URI1: variants seen among roughly 807,000 people sequenced by gnomAD.
URI1 encodes the protein unconventional prefoldin RPB5 interactor 1.
In URI1, 39 loss-of-function variants were observed where a neutral mutation model predicts 60.2. That is an observed-to-expected ratio of 0.65 (90% confidence interval 0.50 to 0.85). URI1 has a LOEUF of 0.85. URI1 is among the 40% of genes least tolerant of loss of function. The probability of loss-of-function intolerance (pLI) is 0.00; values close to 1 mark genes in which losing one functional copy is unlikely to be tolerated. For missense variants in URI1, 691 were observed against 665.9 expected (o/e 1.04, Z -0.42); for synonymous variants, 251 against 236.8 (o/e 1.06, Z -0.55).
At chr19:30,000,753 T>A (rs1423604721) in intron 4 of URI1, among the ~76,000 whole-genome samples, 5 of 152,028 alleles carry the variant, frequency 3.3e-5, no homozygotes, top group African/African-American at 9.7e-5. Context: ...GAAGCCGTGC[T>A]ATGGATCCTT....
At chr19:29,969,058 A>C (rs1049639576) in intron 1 of URI1, among the ~76,000 whole-genome samples, 1 of 152,034 alleles carries the variant, frequency 6.6e-6, no homozygotes, top group Non-Finnish European at 1.5e-5. Context: ...TTTTATATCT[A>C]CCTCTTTCAT....
chr19:29,957,976 G>T (rs1260843558), intron 1 of URI1: 1 of 147,972 alleles, frequency 6.8e-6, no homozygotes, highest in African/African-American at 2.5e-5. Context: ...TTAAAAAATA[G>T]AGATGAGTTT....
chr19:30,001,098 T>C (rs2055872670), intron 4 of URI1, among the ~76,000 whole-genome samples: 2 of 151,784 alleles, frequency 1.3e-5, no homozygotes, highest in Non-Finnish European at 2.9e-5. Context: ...CTTTAAACAT[T>C]TCCTCCATGT....
chr19:30,014,323 G>A (rs891539938), intron 10 of URI1: 5 of 152,102 alleles, frequency 3.3e-5, no homozygotes, highest in African/African-American at 7.2e-5. Context: ...ACTAGTATCA[G>A]CACTTTTATT....
At chr19:29,955,446 G>C (rs1195954027) in intron 1 of URI1, among the ~76,000 whole-genome samples, 4 of 152,100 alleles carry the variant, frequency 2.6e-5, no homozygotes, top group Admixed American at 2.6e-4. Flanking sequence ...AAGTCCTAGA[G>C]TTGGATTACT....
intron 7 of URI1, among the ~76,000 whole-genome samples, chr19:30,008,680 A>G (rs1179835566): frequency 6.6e-6 from 1 of 152,076 alleles, no homozygotes; most frequent in Non-Finnish European, 1.5e-5. Context: ...GTCTTTAGAG[A>G]TAAATGTTCT....
In URI1 at chr19:30,007,489, TA is replaced by T; in HGVS notation, c.540del (p.Lys180AsnfsTer20). 3 of 1,613,090 alleles carry T rather than the reference TA, an allele frequency of 1.9e-6. No homozygotes were observed. Among genetic ancestry groups the T allele is most frequent in the Non-Finnish European group, 2.5e-6 (3 of 1,179,388 alleles). ...AAATAGCAAAACACCGAATTGCTCA[TA>T]AACCGCATTCCAAACCAAAAACTTC... The part of the protein sequence containing the change: ...EFKAKHRIAH[K>X]PHSKPKTSDI... On this transcript the variant is annotated frameshift_variant, in exon 7 of 11. Coordinates refer to ENST00000392271, the MANE Select transcript of URI1 (RefSeq NM_003796.3). LOFTEE classifies it high-confidence loss of function.
chr19:29,951,828 G>C (rs183133976), intron 1 of URI1, among the ~76,000 whole-genome samples: 1 of 152,186 alleles, frequency 6.6e-6, no homozygotes, highest in African/African-American at 2.4e-5. Flanking sequence ...GATTACAGGC[G>C]TGAGCCACCG....
chr19:29,959,797 G>A (rs1026106453), intron 1 of URI1, among the ~76,000 whole-genome samples: 1 of 55,288 alleles, frequency 1.8e-5, no homozygotes, highest in Admixed American at 1.9e-4. Context: ...TTATATTTTT[G>A]CCTTTGATTT....
At chr19:29,929,823 C>CA (rs1332328570) in intron 1 of URI1, among the ~76,000 whole-genome samples, 4 of 150,778 alleles carry the variant, frequency 2.7e-5, no homozygotes, top group South Asian at 4.2e-4. Context: ...TCAATGACAA[C>CA]AAAAAAACAG....
At chr19:30,002,038 C>G (rs571076610) in intron 4 of URI1, among the ~76,000 whole-genome samples, 1 of 151,846 alleles carries the variant, frequency 6.6e-6, no homozygotes, top group Admixed American at 6.6e-5. Flanking sequence ...TTAAAAATTC[C>G]AGCACACAAA....
chr19:29,928,523 G>T (rs541024981), intron 1 of URI1, among the ~76,000 whole-genome samples: 1 of 152,232 alleles, frequency 6.6e-6, no homozygotes, highest in East Asian at 1.9e-4. Flanking sequence ...TAGATGAAAG[G>T]GATCCATTTA....
Position 29,956,778 on chromosome 19 carries a change from G to A in URI1, c.117+14114G>A, listed in dbSNP as rs146774236. 3.6e-3 allele frequency: 5,702 copies of A among 1,597,814 alleles called. 138 individuals are homozygous for A. In the African/African-American group the frequency reaches 0.057, roughly 16 times the overall value. On this transcript the variant is annotated intron_variant, in intron 1 of 10. Transcript: ENST00000392271. ...TTCTGTACATGACTACAAATAGTCC[G>A]AACGGTAGCCAGTTCCTTTCTGTTA...
chr19:29,934,106 T>G lies in URI1; in HGVS notation c.63+10352T>G, dbSNP rs188304307. ...GCCTGCCACCACGCCCGGCTAATTT[T>G]TGTATTATTAGAAGAGACGGGGTTT... On this transcript the variant is annotated intron_variant, in intron 1 of 10. Transcript: ENST00000360605. Among the ~76,000 whole-genome samples, 8 of 151,868 alleles carry G rather than the reference T, an allele frequency of 5.3e-5. No individual in the cohort carries two copies. In the East Asian group the frequency reaches 1.6e-3, roughly 30 times the overall value.
upstream of URI1, among the ~76,000 whole-genome samples, chr19:29,941,447 C>T (rs1228053327): frequency 6.6e-6 from 1 of 151,754 alleles, no homozygotes; most frequent in African/African-American, 2.4e-5. Flanking sequence ...ATAGGGAGAC[C>T]CCGCCTCTAC....
At chr19:29,962,181 A>G (rs2055334422) in intron 1 of URI1, among the ~76,000 whole-genome samples, 1 of 151,738 alleles carries the variant, frequency 6.6e-6, no homozygotes, top group Non-Finnish European at 1.5e-5. Context: ...TGTTTTCTGT[A>G]AGGACCATCC....
At chr19:29,969,121 A>T (rs896882441) in intron 1 of URI1, among the ~76,000 whole-genome samples, 1 of 152,084 alleles carries the variant, frequency 6.6e-6, no homozygotes, top group African/African-American at 2.4e-5. Context: ...TTACATTTGG[A>T]TAGTGCTTAT....
At chr19:29,985,381 G>C in intron 3 of URI1, 80 bp downstream of exon 3, 6 of 1,244,620 alleles carry the variant, frequency 4.8e-6, no homozygotes, top group Non-Finnish European at 7.0e-6. Flanking sequence ...CAGAATGTCA[G>C]GCTGATGGAC....
At position 30,009,069 on chromosome 19, in the gene URI1, C is replaced by T. The variant is rs373823921; in HGVS notation, c.751C>T (p.Arg251Cys). 60 of 1,613,666 alleles carry T rather than the reference C, an allele frequency of 3.7e-5. No homozygotes were observed. The highest frequency in any genetic ancestry group is 4.5e-5 in the Non-Finnish European group (53 of 1,179,868). The change falls in exon 8 of 11, where the codon CGT (arginine) becomes TGT (cysteine). Residue 251 changes from arginine (R) to cysteine (C), a missense_variant. Physicochemically the swap from Arg to Cys is radical, Grantham distance 180. Transcript: ENST00000392271. ...TTSSEEEKED[R>C]NTNVNAMHQV... ...ATCTTCTGAAGAGGAAAAGGAAGATCGTAACACAAATGTGAATGCGATGCA... is the reference window on the plus strand; with the variant it reads ...ATCTTCTGAAGAGGAAAAGGAAGATTGTAACACAAATGTGAATGCGATGCA...
Sources: allele counts gnomAD v4.1 joint callset (sites outside exome capture counted in the v4.1 genomes callset), GRCh38; gene constraint gnomAD v4.1.1; transcripts MANE v1.5; gene names NCBI Gene and HGNC (gene_info 2026-07-23, HGNC 2026-07-21).